Variants in CNBD2 observed in about 807,000 individuals in gnomAD.
The protein encoded by CNBD2 is cyclic nucleotide-binding domain-containing protein 2.
A neutral mutation model predicts 63.7 loss-of-function variants in CNBD2; 64 were observed. The observed-to-expected ratio is 1.00, with a 90% CI of 0.82 to 1.24. The LOEUF (loss-of-function observed/expected upper bound fraction) is 1.24, where lower values mean the gene tolerates loss of function less well. CNBD2 is among the 50% of genes most tolerant of loss of function. The pLI is 0.00. For synonymous variants in CNBD2, 229 were observed against 255.4 expected (o/e 0.90, Z 0.99); for missense variants, 691 against 713.5 (o/e 0.97, Z 0.36).
At chr20:35,954,421 G>GACC, upstream of CNBD2, 1 of 1,551,158 alleles carries the variant, frequency 6.4e-7, no homozygotes, top group Non-Finnish European at 8.7e-7. Context: ...TCGGACTCGG[G>GACC]ACCGGCCGAG....
rs926773026 is a variant in CNBD2 at position 35,980,514 on chromosome 20, C to G, written c.299C>G (p.Thr100Arg). Residue 100 changes from threonine to arginine, a missense_variant, in exon 4 of 12, where the codon ACA becomes AGA. Physicochemically the swap from Thr to Arg is moderately conservative, Grantham distance 71. Transcript: ENST00000373973. ...ATGCAGAAGAAGCCTTCCTGGAGAACAGAGGATGAGATCCAGGCCGTCTGT... is the reference window on the plus strand; with the variant it reads ...ATGCAGAAGAAGCCTTCCTGGAGAAGAGAGGATGAGATCCAGGCCGTCTGT... Reference protein sequence around the residue: ...QIMQKKPSWRTEDEIQAVCNI... With the variant: ...QIMQKKPSWRREDEIQAVCNI... 6.2e-7 allele frequency: 1 copy of G among 1,614,202 alleles called. No individual in the cohort carries two copies.
chr20:35,972,280 C>T (rs1015617871), intron 1 of CNBD2, among the ~76,000 whole-genome samples: 1 of 152,160 alleles, frequency 6.6e-6, no homozygotes, highest in Non-Finnish European at 1.5e-5. Context: ...GTACATCATA[C>T]CTATACTGCC....
At chr20:36,019,537 A>G (rs898156354) in intron 10 of CNBD2, among the ~76,000 whole-genome samples, 8 of 150,768 alleles carry the variant, frequency 5.3e-5, no homozygotes, top group East Asian at 1.9e-4. Context: ...AAGAAAAAAA[A>G]AAAAAAAAAA....
chr20:35,973,322 C>T (rs183138255), intron 2 of CNBD2: 22 of 154,950 alleles, frequency 1.4e-4, no homozygotes, highest in Admixed American at 1.3e-4. Flanking sequence ...AATGCCCACA[C>T]GCTCTCTCTA....
At chr20:35,956,486 T>C (rs1200922485), downstream of CNBD2, among the ~76,000 whole-genome samples, 1 of 152,190 alleles carries the variant, frequency 6.6e-6, no homozygotes, top group Non-Finnish European at 1.5e-5. Context: ...TCTCAACCAT[T>C]CCCTATGGTT....
intron 2 of CNBD2, among the ~76,000 whole-genome samples, chr20:35,962,053 C>G (rs2056312620): frequency 6.6e-6 from 1 of 152,148 alleles, no homozygotes; most frequent in Non-Finnish European, 1.5e-5. Flanking sequence ...CTCCCTAAGG[C>G]CTGCAGCCAT....
intron 7 of CNBD2, among the ~76,000 whole-genome samples, chr20:35,994,641 C>A (rs2056797240): frequency 6.7e-6 from 1 of 149,704 alleles, no homozygotes; most frequent in South Asian, 2.1e-4. Flanking sequence ...GTAATCCCAG[C>A]ACTTTGGGAG....
chr20:36,022,014 CTTT>C (rs11453771), intron 10 of CNBD2, among the ~76,000 whole-genome samples: 1 of 143,492 alleles, frequency 7.0e-6, no homozygotes. Flanking sequence ...TTTTATTTTA[CTTT>C]TTTTTTTTTG....
intron 8 of CNBD2, among the ~76,000 whole-genome samples, chr20:35,999,879 A>C (rs1407222694): frequency 6.6e-6 from 1 of 152,100 alleles, no homozygotes; most frequent in African/African-American, 2.4e-5. Flanking sequence ...GGGTTTCACT[A>C]TGTTGGCCAG....
At chr20:36,012,553 T>G (rs1339224456) in intron 10 of CNBD2, among the ~76,000 whole-genome samples, 1 of 151,546 alleles carries the variant, frequency 6.6e-6, no homozygotes, top group Non-Finnish European at 1.5e-5. Context: ...AAAATTCAAT[T>G]TCTAGGCCAG....
chr20:36,003,339 G>T (rs1211549471), intron 8 of CNBD2, among the ~76,000 whole-genome samples: 1 of 152,030 alleles, frequency 6.6e-6, no homozygotes, highest in African/African-American at 2.4e-5. Flanking sequence ...TTAATAGGAT[G>T]CTAGAAAATG....
chr20:36,006,836 AC>A (rs1424639132), intron 8 of CNBD2, among the ~76,000 whole-genome samples: 1 of 151,968 alleles, frequency 6.6e-6, no homozygotes, highest in Non-Finnish European at 1.5e-5. Context: ...GCCCTAGGCA[AC>A]CACTGATTTG....
At position 35,972,743 on chromosome 20, in the gene CNBD2, C is replaced by A. The variant is rs756600560; in HGVS notation, c.166C>A (p.His56Asn). Reference sequence around the variant, plus strand: ...AATCATTGAGACTGCTCACTGGAAGCACCCTATCTTCTCCTTCTGGGATGT... The same window carrying A: ...AATCATTGAGACTGCTCACTGGAAGAACCCTATCTTCTCCTTCTGGGATGT... ...YQIIETAHWK[H>N]PIFSFWDKKM... The change falls in exon 2 of 12, where the codon CAC (histidine) becomes AAC (asparagine). Residue 56 changes from histidine (H) to asparagine (N), a missense_variant. Transcript: ENST00000373973. 6 of 1,614,028 alleles carry A rather than the reference C, an allele frequency of 3.7e-6. No homozygotes were observed. The South Asian group carries it at 6.6e-5, about 18-fold the overall frequency.
At chr20:36,018,939 G>T (rs1236810043) in intron 10 of CNBD2, among the ~76,000 whole-genome samples, 1 of 152,158 alleles carries the variant, frequency 6.6e-6, no homozygotes, top group Non-Finnish European at 1.5e-5. Context: ...AAGTTGTGTG[G>T]CTCCATTTGG....
At chr20:35,988,614 C>T (rs2056701060) in intron 7 of CNBD2, among the ~76,000 whole-genome samples, 2 of 152,164 alleles carry the variant, frequency 1.3e-5, no homozygotes, top group South Asian at 4.1e-4. Context: ...TTTTGTAAGG[C>T]AGACTTTATT....
intron 11 of CNBD2, among the ~76,000 whole-genome samples, chr20:36,026,609 G>A (rs1380725734): frequency 3.3e-5 from 5 of 152,094 alleles, no homozygotes; most frequent in Non-Finnish European, 7.4e-5. Context: ...CACTCCAGCA[G>A]CCCAGGCGGG....
chr20:36,008,797 T>A (rs2057018168), intron 9 of CNBD2, among the ~76,000 whole-genome samples: 1 of 152,172 alleles, frequency 6.6e-6, no homozygotes, highest in South Asian at 2.1e-4. Flanking sequence ...CTGGGCCCTT[T>A]TGATTCTGAG....
chr20:36,001,793 A>T (rs976591118), intron 8 of CNBD2, among the ~76,000 whole-genome samples: 10 of 145,828 alleles, frequency 6.9e-5, no homozygotes, highest in Non-Finnish European at 1.3e-4. Context: ...CACATCTCAG[A>T]CGATGGGCGG....
chr20:36,025,124 A>G (rs2057268043), intron 11 of CNBD2, among the ~76,000 whole-genome samples: 1 of 152,186 alleles, frequency 6.6e-6, no homozygotes, highest in Non-Finnish European at 1.5e-5. Context: ...CTGTAACAGC[A>G]GGGTAAAATG....
Sources: gnomAD v4.1 joint callset for allele counts (sites outside exome capture counted in the v4.1 genomes callset) on GRCh38, gnomAD v4.1.1 for gene constraint, MANE v1.5 for transcripts, NCBI Gene and HGNC (gene_info 2026-07-23, HGNC 2026-07-21) for gene names.